Variants in TMEM67 observed in about 807,000 individuals in gnomAD.
TMEM67 encodes transmembrane protein 67.
In TMEM67, 124 loss-of-function variants were observed where a neutral mutation model predicts 136.6. The observed-to-expected ratio is 0.91, with a 90% CI of 0.78 to 1.05. The LOEUF (loss-of-function observed/expected upper bound fraction) is 1.05. TMEM67 is among the 50% of genes least tolerant of loss of function. TMEM67 has a pLI of 0.00. For missense variants in TMEM67, 1,107 were observed against 1,178.4 expected (o/e 0.94, Z 0.89); for synonymous variants, 364 against 390.5 (o/e 0.93, Z 0.80).
rs1814567883 is a variant in TMEM67, at chr8:93,795,459, C to T, written c.1725C>T (p.Phe575=). ...VYYAGDLANV[F]FIITVGTGLY... ...ATGCTGGTGATCTGGCCAATGTTTT[C>T]TTTATCATCACAGTGGGAACAGGTC... is the stretch of plus-strand genomic sequence containing the variant. Residue 575 remains phenylalanine (F), a synonymous_variant, in exon 17 of 28, where the codon TTC becomes TTT. Coordinates refer to ENST00000453321, the MANE Select transcript of TMEM67 (RefSeq NM_153704.6). 1 of 1,613,950 alleles carries T rather than the reference C, an allele frequency of 6.2e-7. No individual in the cohort carries two copies. Among genetic ancestry groups the T allele is most frequent in the East Asian group, 2.2e-5 (1 of 44,866 alleles).
intron 21 of TMEM67, among the ~76,000 whole-genome samples, chr8:93,803,035 C>G (rs1166960436): frequency 6.6e-6 from 1 of 152,072 alleles, no homozygotes; most frequent in Non-Finnish European, 1.5e-5. Context: ...GAAGTTTTAT[C>G]TTTTCCTGAA....
chr8:93,794,248 T>G (rs1019153480), intron 16 of TMEM67, among the ~76,000 whole-genome samples: 1 of 152,164 alleles, frequency 6.6e-6, no homozygotes, highest in African/African-American at 2.4e-5. Context: ...TTATGATACG[T>G]GCTTTTGGGA....
intron 10 of TMEM67, 82 bp from the exon 11 acceptor site, chr8:93,782,313 A>G: frequency 1.0e-6 from 1 of 991,968 alleles, no homozygotes; most frequent in Non-Finnish European, 1.6e-6. Flanking sequence ...TAGAGCATAT[A>G]TCCATGTTCG....
chr8:93,798,016 G>A (rs556181035), intron 20 of TMEM67, among the ~76,000 whole-genome samples: 1 of 152,074 alleles, frequency 6.6e-6, no homozygotes, highest in Admixed American at 6.6e-5. Context: ...GTAGTGTTAC[G>A]TACATTCACA....
At chr8:93,771,418 T>C (rs1407687425) in intron 6 of TMEM67, among the ~76,000 whole-genome samples, 1 of 152,184 alleles carries the variant, frequency 6.6e-6, no homozygotes, top group Non-Finnish European at 1.5e-5. Context: ...CTTTAGACTT[T>C]AGGGATTTCT....
At chr8:93,785,844 C>A (rs180981742) in intron 12 of TMEM67, 1 of 242,914 alleles carries the variant, frequency 4.1e-6, no homozygotes, top group Non-Finnish European at 8.0e-6. Context: ...GAGGCCAAGA[C>A]GAGAGAATTG....
rs774633030 is a variant in TMEM67 at position 93,772,611 on chromosome 8, G to A, written c.674G>A (p.Trp225Ter). The stretch of plus-strand genomic sequence containing the variant: ...CAGGGCATGTCTTTAACTTCAGAAT[G>A]GTTTGCAAAGTATTTGCAATCATCA... ...GEVGMSLTSE[W>*]FAKYLQSSAA... Residue 225 changes from tryptophan (W) to a stop codon, truncating the protein, a stop_gained, in exon 7 of 28, where the codon TGG (tryptophan) becomes TAG (stop). Coordinates refer to ENST00000453321, the MANE Select transcript of TMEM67 (RefSeq NM_153704.6). LOFTEE classifies it high-confidence loss of function. The A allele has an allele frequency of 1.2e-6, 2 of 1,612,580 alleles. No individual in the cohort carries two copies. Among genetic ancestry groups the A allele is most frequent in the South Asian group, 1.1e-5 (1 of 90,750 alleles).
chr8:93,785,427 A>G (rs573404300), intron 12 of TMEM67, 49 bp downstream of exon 12: 8 of 1,560,196 alleles, frequency 5.1e-6, no homozygotes, highest in Non-Finnish European at 7.1e-6. Flanking sequence ...AAATCAACAA[A>G]TAAGTTAACC....
rs765536334 is a variant in TMEM67 at position 93,780,636 on chromosome 8, G to A, written c.758G>A (p.Cys253Tyr). 1.2e-6 allele frequency: 2 copies of A among 1,614,106 alleles called. No individual in the cohort carries two copies. Among genetic ancestry groups the A allele is most frequent in the Non-Finnish European group, 1.7e-6 (2 of 1,180,022 alleles). ...LTSCQALGNM[C>Y]VMNMNSYDFA... ...TCTTGTCAAGCTCTTGGAAATATGT[G>A]TGTGATGAACATGAATTCTTACGAC... Residue 253 changes from cysteine to tyrosine, a missense_variant, in exon 8 of 28, where the codon TGT (cysteine) becomes TAT (tyrosine). By Grantham distance (194) the Cys-to-Tyr change is radical. Around this residue, in one of 3 missense-constraint regions of TMEM67, gnomAD observed 925 missense variants for 1,002.4 expected, o/e 0.92. Coordinates refer to ENST00000453321, the MANE Select transcript of TMEM67 (RefSeq NM_153704.6).
At chr8:93,760,393 A>G (rs973242638) in intron 3 of TMEM67, among the ~76,000 whole-genome samples, 4 of 152,228 alleles carry the variant, frequency 2.6e-5, no homozygotes, top group East Asian at 1.9e-4. Flanking sequence ...GGCATTTCAT[A>G]TAAGTGGGGA....
chr8:93,829,780 G>A, the TMEM67 span, among the ~76,000 whole-genome samples: 1 of 151,906 alleles, frequency 6.6e-6, no homozygotes, highest in South Asian at 2.1e-4. Flanking sequence ...CCAGTTCCTG[G>A]CTCATAACTC....
downstream of TMEM67, among the ~76,000 whole-genome samples, chr8:93,820,585 G>C (rs1809027522): frequency 6.6e-6 from 1 of 152,188 alleles, no homozygotes; most frequent in Non-Finnish European, 1.5e-5. Flanking sequence ...CTTACTGGCT[G>C]TGCAATTTGG....
At chr8:93,828,794 G>A in the TMEM67 span, among the ~76,000 whole-genome samples, 1 of 150,042 alleles carries the variant, frequency 6.7e-6, no homozygotes, top group Non-Finnish European at 1.5e-5. Context: ...GCCCTTTTAA[G>A]AGTTATACCT....
chr8:93,808,610 G>T, intron 23 of TMEM67, among the ~76,000 whole-genome samples: 1 of 106,746 alleles, frequency 9.4e-6, no homozygotes, highest in African/African-American at 3.2e-5. Context: ...CAAAGGAGAT[G>T]ATATAAAGAC....
At chr8:93,771,881 C>T (rs1032005751) in intron 6 of TMEM67, among the ~76,000 whole-genome samples, 1 of 152,146 alleles carries the variant, frequency 6.6e-6, no homozygotes, top group Non-Finnish European at 1.5e-5. Context: ...TTATAGATTT[C>T]TCTGATCACT....
At chr8:93,759,905 T>C in intron 3 of TMEM67, 1 of 1,414,918 alleles carries the variant, frequency 7.1e-7, no homozygotes, top group Non-Finnish European at 9.7e-7. Context: ...TGCCTCAGCC[T>C]CCCAAAGTGC....
the TMEM67 span, among the ~76,000 whole-genome samples, chr8:93,830,241 G>C: frequency 2.9e-4 from 44 of 152,192 alleles, no homozygotes; most frequent in African/African-American, 1.1e-3. Flanking sequence ...GAGATTCCTG[G>C]AGGGTGGAGT....
At chr8:93,759,930 G>C in intron 3 of TMEM67, 2 of 1,533,698 alleles carry the variant, frequency 1.3e-6, no homozygotes, top group Non-Finnish European at 1.8e-6. Context: ...ATACAGGCTT[G>C]AGCCACCGCA....
chr8:93,788,112 A>C (rs1374705048), intron 14 of TMEM67, among the ~76,000 whole-genome samples, 163 bp downstream of exon 14: 3 of 152,034 alleles, frequency 2.0e-5, no homozygotes, highest in African/African-American at 7.2e-5. Flanking sequence ...AATAATGGTA[A>C]GAGGTGAGTT....
Sources: gnomAD v4.1 joint callset for allele counts (sites outside exome capture counted in the v4.1 genomes callset) on GRCh38, gnomAD v4.1.1 for gene constraint, gnomAD v4.1.1 regional missense constraint, MANE v1.5 for transcripts, NCBI Gene and HGNC (gene_info 2026-07-23, HGNC 2026-07-21) for gene names.